CNTNAP2: variants seen among roughly 807,000 people sequenced by gnomAD.
CNTNAP2 encodes the protein contactin-associated protein-like 2.
Under a neutral mutation model 155.2 loss-of-function variants are expected in CNTNAP2, and 98 were observed. The observed-to-expected ratio is 0.63, with a 90% confidence interval of 0.54 to 0.75. The LOEUF (loss-of-function observed/expected upper bound fraction) is 0.75, where lower values mean the gene tolerates loss of function less well. CNTNAP2 is among the 30% of genes least tolerant of loss of function. The pLI is 0.00. For missense variants in CNTNAP2, 1,727 were observed against 1,688.1 expected, an observed-to-expected ratio of 1.02 and a Z score of -0.40; for synonymous variants, 651 against 631.2, an observed-to-expected ratio of 1.03 and a Z score of -0.47.
chr7:147,241,324 C>A (rs1271746299), intron 8 of CNTNAP2, among the ~76,000 whole-genome samples: 1 of 152,130 alleles, frequency 6.6e-6, no homozygotes, highest in Admixed American at 6.6e-5. Flanking sequence ...ATTGTTTCTC[C>A]TTTTAGAAAA....
intron 1 of CNTNAP2, among the ~76,000 whole-genome samples, chr7:146,588,169 G>C (rs1045365665): frequency 6.6e-6 from 1 of 152,144 alleles, no homozygotes; most frequent in African/African-American, 2.4e-5. Context: ...AGTAGGTAGA[G>C]ATTTTGGTGT....
intron 1 of CNTNAP2, among the ~76,000 whole-genome samples, chr7:146,299,432 G>A (rs1056014366): frequency 1.4e-4 from 22 of 152,062 alleles, no homozygotes; most frequent in East Asian, 3.9e-4. Flanking sequence ...TTGGAGTCAC[G>A]GAGTGCAGTG....
At chr7:148,338,577 C>T (rs1394887305) in intron 21 of CNTNAP2, among the ~76,000 whole-genome samples, 2 of 151,912 alleles carry the variant, frequency 1.3e-5, no homozygotes, top group African/African-American at 4.8e-5. Flanking sequence ...GGGTGAGTTA[C>T]TGCTGATGAA....
intron 15 of CNTNAP2, among the ~76,000 whole-genome samples, chr7:148,039,593 C>A (rs1032183654): frequency 7.5e-4 from 114 of 152,174 alleles, no homozygotes; most frequent in Non-Finnish European, 3.8e-4. Context: ...ATGGCAGGAC[C>A]AGTACCAACC....
intron 9 of CNTNAP2, among the ~76,000 whole-genome samples, chr7:147,333,003 A>G (rs1430743997): frequency 6.6e-6 from 1 of 152,212 alleles, no homozygotes; most frequent in East Asian, 1.9e-4. Flanking sequence ...ACAGTCTTTA[A>G]TATACAAGGG....
intron 15 of CNTNAP2, among the ~76,000 whole-genome samples, chr7:147,987,855 C>G (rs1297634724): frequency 6.6e-6 from 1 of 151,962 alleles, no homozygotes. Context: ...CCACCACACC[C>G]CGCTAATTTT....
chr7:147,220,080 C>T (rs1405352980), intron 8 of CNTNAP2, among the ~76,000 whole-genome samples: 1 of 151,774 alleles, frequency 6.6e-6, no homozygotes, highest in Non-Finnish European at 1.5e-5. Context: ...TGAACCACCA[C>T]ACCCGGCAGG....
At chr7:147,131,824 A>G (rs762115571) in intron 7 of CNTNAP2, among the ~76,000 whole-genome samples, 15 of 152,188 alleles carry the variant, frequency 9.9e-5, no homozygotes, top group Admixed American at 2.0e-4. Flanking sequence ...TATGTTAATT[A>G]ATGTTGGCAT....
At chr7:147,967,072 A>T (rs1182304114) in intron 14 of CNTNAP2, among the ~76,000 whole-genome samples, 1 of 152,168 alleles carries the variant, frequency 6.6e-6, no homozygotes, top group African/African-American at 2.4e-5. Flanking sequence ...TAATTGCTAG[A>T]TATGAAAACA....
chr7:146,735,899 A>G (rs1172144814), intron 1 of CNTNAP2, among the ~76,000 whole-genome samples: 1 of 152,126 alleles, frequency 6.6e-6, no homozygotes, highest in East Asian at 1.9e-4. Flanking sequence ...GCTAGAAGAG[A>G]GGATTTCGAA....
chr7:146,165,134 A>G (rs113033282), intron 1 of CNTNAP2, among the ~76,000 whole-genome samples: 2,325 of 152,222 alleles, frequency 0.015, 51 homozygotes, highest in African/African-American at 0.052. Context: ...ATTTGGGTAA[A>G]CTTTTCTTTT....
At chr7:146,321,664 G>T (rs115219141) in intron 1 of CNTNAP2, among the ~76,000 whole-genome samples, 1 of 152,156 alleles carries the variant, frequency 6.6e-6, no homozygotes, top group East Asian at 1.9e-4. Flanking sequence ...AGAATAAAGC[G>T]ACATAGCTCT....
At chr7:146,887,710 C>T (rs2129210772) in intron 3 of CNTNAP2, among the ~76,000 whole-genome samples, 1 of 152,158 alleles carries the variant, frequency 6.6e-6, no homozygotes, top group East Asian at 1.9e-4. Context: ...TAAGTTGAGT[C>T]TGGCCTTAAT....
chr7:147,128,945 G>T, intron 7 of CNTNAP2, 109 bp downstream of exon 7: 2 of 1,429,360 alleles, frequency 1.4e-6, no homozygotes, highest in Non-Finnish European at 2.0e-6. Flanking sequence ...TCATATTTGT[G>T]TTTGGGCAAA....
intron 10 of CNTNAP2, among the ~76,000 whole-genome samples, chr7:147,418,053 A>C (rs1208944893): frequency 6.6e-6 from 1 of 152,228 alleles, no homozygotes; most frequent in African/African-American, 2.4e-5. Flanking sequence ...ATAACTACAT[A>C]ATAGTACAAT....
chr7:147,882,544 G>A (rs1799538630), intron 13 of CNTNAP2, among the ~76,000 whole-genome samples: 1 of 152,162 alleles, frequency 6.6e-6, no homozygotes, highest in Non-Finnish European at 1.5e-5. Context: ...CAGATCTGTA[G>A]GATTTATGCT....
At chr7:146,823,365 A>G (rs1365130961) in intron 2 of CNTNAP2, among the ~76,000 whole-genome samples, 1 of 143,774 alleles carries the variant, frequency 7.0e-6, no homozygotes, top group Non-Finnish European at 1.5e-5. Context: ...ATTCTTCAGT[A>G]TATTTCCATG....
intron 13 of CNTNAP2, among the ~76,000 whole-genome samples, chr7:147,839,939 T>TACACACACAGCAC (rs1554440774): frequency 1.3e-5 from 2 of 149,746 alleles, no homozygotes; most frequent in African/African-American, 2.5e-5. Context: ...TATATATGTA[T>TACACACACAGCAC]ACACACACAC....
chr7:148,143,695 G>T (rs1231580609), intron 16 of CNTNAP2, among the ~76,000 whole-genome samples: 2 of 152,030 alleles, frequency 1.3e-5, no homozygotes, highest in African/African-American at 4.8e-5. Context: ...TACAAATAAA[G>T]AATTTTTAAA....
Sources: allele counts gnomAD v4.1 joint callset (sites outside exome capture counted in the v4.1 genomes callset), GRCh38; gene constraint gnomAD v4.1.1; transcripts MANE v1.5; gene names NCBI Gene and HGNC (gene_info 2026-07-23, HGNC 2026-07-21).